The following DARS2 variants were observed in gnomAD, a reference collection of about 807,000 sequenced individuals.
DARS2 encodes aspartate--tRNA ligase, mitochondrial.
DARS2 carries 63 observed loss-of-function variants against 83.0 expected under a neutral mutation model. That is an observed-to-expected ratio of 0.76 (90% CI 0.62 to 0.94). The LOEUF (loss-of-function observed/expected upper bound fraction) is 0.94, where lower values mean the gene tolerates loss of function less well. DARS2 is among the 40% of genes least tolerant of loss of function. The pLI is 0.00. For missense variants in DARS2, 675 were observed against 774.4 expected, an observed-to-expected ratio of 0.87 and a Z score of 1.52; for synonymous variants, 250 against 269.3, an observed-to-expected ratio of 0.93 and a Z score of 0.70.
intron 7 of DARS2, among the ~76,000 whole-genome samples, chr1:173,836,118 G>A (rs1406210081): frequency 6.6e-6 from 1 of 152,130 alleles, no homozygotes; most frequent in Non-Finnish European, 1.5e-5. Flanking sequence ...TACTTGAGAG[G>A]CTGAGGCAGG....
chr1:173,841,076 A>AT, intron 11 of DARS2, 103 bp downstream of exon 11: 1 of 840,798 alleles, frequency 1.2e-6, no homozygotes, highest in Non-Finnish European at 2.0e-6. Flanking sequence ...TTCTTTTTAA[A>AT]TAAAAATAGG....
At chr1:173,839,323 T>C (rs1373198552) in intron 9 of DARS2, 44 bp from the exon 10 acceptor site, 4 of 1,566,764 alleles carry the variant, frequency 2.6e-6, no homozygotes, top group East Asian at 2.2e-5. Context: ...TAAATGTGTA[T>C]ATATTGTGGC....
rs28550070 is a variant in DARS2, at chr1:173,834,744, T to G, written c.663+225T>G. On this transcript the variant is annotated intron_variant, in intron 7 of 16. Transcript: ENST00000649689. ...TTTGAGTTTTTTTGTTTTTTTTTTT[T>G]TTTTTTTTTTTTTGGTTTGTTTTGG... is the stretch of plus-strand genomic sequence containing the variant. Among the ~76,000 whole-genome samples, 42 of 127,798 alleles carry G rather than the reference T, an allele frequency of 3.3e-4. 2 individuals are homozygous for G. Among genetic ancestry groups the G allele is most frequent in the South Asian group, 1.8e-3 (8 of 4,440 alleles). 83.8% of individuals were successfully genotyped at this position (127,798 alleles called of 152,430 possible).
Position 173,845,284 on chromosome 1 carries a change from T to C in DARS2, c.1184T>C (p.Phe395Ser), listed in dbSNP as rs1557860517. 6.2e-7 allele frequency: 1 copy of C among 1,609,870 alleles called. No individual in the cohort carries two copies. The highest frequency in any genetic ancestry group is 1.1e-5 in the South Asian group (1 of 90,974). The change falls in exon 12 of 17, where the codon TTT (phenylalanine) becomes TCT (serine). Residue 395 changes from phenylalanine (F) to serine (S), a missense_variant. Transcript: ENST00000649689. ...ESIRNFAADH[F>S]NQEILPVFLN... ...ATTAGAAACTTTGCAGCTGACCATT[T>C]TAATCAGGTAAGGAGTTAATTAGAG...
intron 11 of DARS2, among the ~76,000 whole-genome samples, chr1:173,842,587 G>A (rs1653272079): frequency 1.3e-5 from 2 of 150,520 alleles, no homozygotes; most frequent in African/African-American, 4.9e-5. Context: ...ACAGGCGTAA[G>A]CCACCATGCC....
intron 2 of DARS2, among the ~76,000 whole-genome samples, chr1:173,827,937 C>T (rs1652646485): frequency 6.6e-6 from 1 of 152,118 alleles, no homozygotes; most frequent in African/African-American, 2.4e-5. Flanking sequence ...AAAATACTAT[C>T]TTTGGATTTT....
At chr1:173,834,841 T>C (rs1233834366) in intron 7 of DARS2, among the ~76,000 whole-genome samples, 2 of 136,478 alleles carry the variant, frequency 1.5e-5, no homozygotes, top group Admixed American at 1.6e-4. Context: ...TGCAGTGGCA[T>C]GATCTCAGCT....
At chr1:173,850,973 A>C (rs1041044386) in intron 13 of DARS2, among the ~76,000 whole-genome samples, 22 of 151,894 alleles carry the variant, frequency 1.4e-4, no homozygotes, top group Admixed American at 3.9e-4. Context: ...CATGGTGGCT[A>C]ACGCCTGTAA....
At chr1:173,852,644 A>C (rs6698348) in intron 13 of DARS2, among the ~76,000 whole-genome samples, 13,757 of 151,996 alleles carry the variant, frequency 0.091, 2,012 homozygotes, top group African/African-American at 0.31. Context: ...AGCTAGGATT[A>C]CAAGTGCATG....
At chr1:173,835,627 G>A (rs1229470964) in intron 7 of DARS2, among the ~76,000 whole-genome samples, 37 of 151,874 alleles carry the variant, frequency 2.4e-4, no homozygotes, top group Admixed American at 2.4e-3. Flanking sequence ...ACATTTTTCG[G>A]CCAGGCACAG....
intron 8 of DARS2, 137 bp from the exon 9 acceptor site, chr1:173,838,053 A>G (rs914030548): frequency 6.1e-5 from 44 of 723,034 alleles, no homozygotes; most frequent in Middle Eastern, 3.6e-4. Context: ...GATTATAGGT[A>G]TGAGCCGCCA....
intron 5 of DARS2, 24 bp downstream of exon 5, chr1:173,831,654 A>C: frequency 6.4e-7 from 1 of 1,553,438 alleles, no homozygotes; most frequent in Non-Finnish European, 8.9e-7. Context: ...TTATTAATAA[A>C]ATAGAGTATC....
intron 11 of DARS2, among the ~76,000 whole-genome samples, chr1:173,843,007 A>G (rs1001029728): frequency 1.3e-5 from 2 of 151,958 alleles, no homozygotes; most frequent in Non-Finnish European, 2.9e-5. Context: ...ATGTTCAGGT[A>G]AGCTCAGTAT....
chr1:173,845,657 G>C (rs566046384), intron 12 of DARS2, among the ~76,000 whole-genome samples: 40 of 149,758 alleles, frequency 2.7e-4, no homozygotes, highest in Admixed American at 2.6e-3. Context: ...TGAGCCTGGG[G>C]GTCGAGGCTA....
Position 173,857,798 on chromosome 1 carries a change from T to TAACA in DARS2, c.*95_*98dup. The TAACA allele has an allele frequency of 7.3e-7, 1 of 1,362,830 alleles. No homozygotes were observed. The highest frequency in any genetic ancestry group is 1.2e-5 in the South Asian group (1 of 83,394). The allele number at this position is 1,362,830 out of a possible 1,614,324, so 84.4% of individuals were successfully genotyped here. On this transcript the variant is annotated 3_prime_UTR_variant, in exon 17 of 17. Coordinates refer to ENST00000649689, the MANE Select transcript of DARS2 (RefSeq NM_018122.5). ...CAGATCTAGAGTTCTGCCACAGGTCTAACAATCAAGTCTTTAGATGGAAGG... is the reference window on the plus strand; with the variant it reads ...CAGATCTAGAGTTCTGCCACAGGTCTAACAAACAATCAAGTCTTTAGATGGAAGG...
chr1:173,829,562 G>C (rs907680311), intron 3 of DARS2, among the ~76,000 whole-genome samples: 5 of 151,928 alleles, frequency 3.3e-5, no homozygotes, highest in African/African-American at 1.2e-4. Flanking sequence ...AGCAGATTGA[G>C]TACAGGAGTT....
intron 13 of DARS2, among the ~76,000 whole-genome samples, chr1:173,851,248 CAA>C (rs1303482754): frequency 9.6e-5 from 10 of 103,858 alleles, no homozygotes; most frequent in Admixed American, 1.1e-4. Context: ...GACTCCGTCT[CAA>C]AAAAAAAAAA....
intron 12 of DARS2, 36 bp downstream of exon 12, chr1:173,845,327 C>G: frequency 1.3e-5 from 19 of 1,409,486 alleles, no homozygotes; most frequent in Non-Finnish European, 1.6e-5. Context: ...TTTCCTTATA[C>G]AGATTCAATA....
Position 173,837,385 on chromosome 1 carries a change from A to ATTTGCAAG in DARS2, c.770+342_770+349dup, listed in dbSNP as rs531636432. 1.9e-3 allele frequency among the ~76,000 whole-genome samples: 296 copies of ATTTGCAAG among 152,324 alleles called. 1 individual carries two copies. Among genetic ancestry groups the ATTTGCAAG allele is most frequent in the African/African-American group, 6.7e-3 (278 of 41,592 alleles). ...ATAAACCAAATGTAAATGTATTGAG[A>ATTTGCAAG]TTTGCAAGTTAGGTGTTAAGAGCTT... On this transcript the variant is annotated intron_variant, in intron 8 of 16. Transcript: ENST00000649689.
Sources: gnomAD v4.1 joint callset for allele counts (sites outside exome capture counted in the v4.1 genomes callset) on GRCh38, gnomAD v4.1.1 for gene constraint, MANE v1.5 for transcripts, NCBI Gene and HGNC (gene_info 2026-07-23, HGNC 2026-07-21) for gene names.